Variants in OR4N5 observed in about 807,000 individuals in gnomAD.
OR4N5 encodes the protein olfactory receptor family 4 subfamily N member 5, also known as olfactory receptor 4N5.
For missense variants in OR4N5, 428 were observed against 370.0 expected, an observed-to-expected ratio of 1.16 and a Z score of -1.29; for synonymous variants, 155 against 140.6, an observed-to-expected ratio of 1.10 and a Z score of -0.72.
chr14:20,144,049 A>G lies in OR4N5; in HGVS notation c.314A>G (p.His105Arg), dbSNP rs925555315. ...TGCATCACTCAGCTCTTTTTCTTGCATTTTCTTGGAGCGGGAGAGATGTTC... is the reference window on the plus strand; with the variant it reads ...TGCATCACTCAGCTCTTTTTCTTGCGTTTTCTTGGAGCGGGAGAGATGTTC... The part of the protein sequence containing the change: ...RSCITQLFFL[H>R]FLGAGEMFLL... The change falls in exon 3 of 3, where the codon CAT becomes CGT. Residue 105 changes from histidine to arginine, a missense_variant. By Grantham distance (29) the His-to-Arg change is conservative (BLOSUM62 0). Transcript: ENST00000641086. 5.6e-6 allele frequency: 9 copies of G among 1,613,770 alleles called. No homozygotes were observed. Among genetic ancestry groups the G allele is most frequent in the Non-Finnish European group, 6.8e-6 (8 of 1,179,950 alleles).
chr14:20,141,295 A>G (rs1047082805), intron 2 of OR4N5, 84 bp downstream of exon 2: 1 of 152,202 alleles, frequency 6.6e-6, no homozygotes, highest in African/African-American at 2.4e-5. Flanking sequence ...GTGGAAGCCA[A>G]GAGGTGTCTA....
Position 20,145,170 on chromosome 14 carries a change from A to C in OR4N5, c.*508A>C, listed in dbSNP as rs944755459. 6.5e-6 allele frequency: 1 copy of C among 153,774 alleles called. No individual in the cohort carries two copies. Among genetic ancestry groups the C allele is most frequent in the Non-Finnish European group, 1.4e-5 (1 of 69,252 alleles). The allele number at this position is 153,774 out of a possible 1,614,324, so 9.5% of individuals were successfully genotyped here. On this transcript the variant is annotated 3_prime_UTR_variant, in exon 3 of 3. Transcript: ENST00000641086. ...AGCTTGTTATATTTGATGACCATAA[A>C]AAGGAAGAGAACAGCTGTACTATAT...
At chr14:20,143,489 C>A (rs1345086355) in intron 2 of OR4N5, among the ~76,000 whole-genome samples, 1 of 152,084 alleles carries the variant, frequency 6.6e-6, no homozygotes, top group Non-Finnish European at 1.5e-5. Flanking sequence ...AGTGAAGTTA[C>A]CTAGAAGCCT....
intron 2 of OR4N5, among the ~76,000 whole-genome samples, chr14:20,141,573 T>C (rs1485728934): frequency 6.6e-6 from 1 of 152,136 alleles, no homozygotes; most frequent in Non-Finnish European, 1.5e-5. Context: ...TACCTACGTT[T>C]CCCCTGAATT....
chr14:20,144,849 T>C lies in OR4N5; in HGVS notation c.*187T>C. 1 of 572,990 alleles carries C rather than the reference T, an allele frequency of 1.7e-6. No homozygotes were observed. The highest frequency in any genetic ancestry group is 3.1e-6 in the Non-Finnish European group (1 of 324,328). 35.5% of individuals were successfully genotyped at this position (572,990 alleles called of 1,614,324 possible). On this transcript the variant is annotated 3_prime_UTR_variant, in exon 3 of 3. Coordinates refer to ENST00000641086, the MANE Select transcript of OR4N5 (RefSeq NM_001004724.2). Reference sequence around the variant, plus strand: ...AGATTCCAGGTCTCCTAGATTTATATTCAAGGGGATAAATACAGGTTATTA... The same window carrying C: ...AGATTCCAGGTCTCCTAGATTTATACTCAAGGGGATAAATACAGGTTATTA...
chr14:20,141,994 TTAA>T (rs1177908510), intron 2 of OR4N5, among the ~76,000 whole-genome samples: 4 of 152,200 alleles, frequency 2.6e-5, no homozygotes, highest in African/African-American at 7.2e-5. Context: ...TTTGTTTTCA[TTAA>T]TAATATTTCA....
chr14:20,144,756 C>G lies in OR4N5; in HGVS notation c.*94C>G. ...TGCATTGAATCAGTCAGTCATTTAG[C>G]AAGTATTATAATTATTAAGTACTTC... On this transcript the variant is annotated 3_prime_UTR_variant, in exon 3 of 3. Coordinates refer to ENST00000641086, the MANE Select transcript of OR4N5 (RefSeq NM_001004724.2). The G allele has an allele frequency of 1.3e-6, 1 of 774,106 alleles. No homozygotes were observed. Among genetic ancestry groups the G allele is most frequent in the East Asian group, 2.6e-5 (1 of 38,706 alleles). The allele number at this position is 774,106 out of a possible 1,614,324, so 48.0% of individuals were successfully genotyped here. A position where few individuals can be genotyped will look rare whatever the true frequency, so the allele number is the denominator to read the frequency against.
At chr14:20,143,572 G>A (rs1878659597) in intron 2 of OR4N5, among the ~76,000 whole-genome samples, 153 bp from the exon 3 acceptor site, 1 of 152,202 alleles carries the variant, frequency 6.6e-6, no homozygotes, top group Admixed American at 6.5e-5. Context: ...AGAGGATGAA[G>A]AATAGAAGGG....
rs1487779615 is a variant in OR4N5 at position 20,138,884 on chromosome 14, C to T, written c.-387C>T. The T allele has an allele frequency of 6.6e-6, 1 of 150,910 alleles. No homozygotes were observed. Among genetic ancestry groups the T allele is most frequent in the Non-Finnish European group, 1.5e-5 (1 of 67,764 alleles). The allele number at this position is 150,910 out of a possible 1,614,324, so 9.3% of individuals were successfully genotyped here. A position where few individuals can be genotyped will look rare whatever the true frequency, so the allele number is the denominator to read the frequency against. On this transcript the variant is annotated 5_prime_UTR_variant, in exon 1 of 3. Transcript: ENST00000641086. ...TTGTTTGAGAGTAGCATTTGGCTCCCGGCAAGGTAAAATTTTTTATCATTC... is the reference window on the plus strand; with the variant it reads ...TTGTTTGAGAGTAGCATTTGGCTCCTGGCAAGGTAAAATTTTTTATCATTC...
rs199983401 is a variant in OR4N5 at position 20,144,081 on chromosome 14, G to C, written c.346G>C (p.Val116Leu). The C allele has an allele frequency of 6.2e-7, 1 of 1,614,018 alleles. No homozygotes were observed. Among genetic ancestry groups the C allele is most frequent in the African/African-American group, 1.3e-5 (1 of 75,020 alleles). The change falls in exon 3 of 3, where the codon GTT (valine) becomes CTT (leucine). Residue 116 changes from valine (V) to leucine (L), a missense_variant. Val to Leu is a conservative substitution (Grantham distance 32). Transcript: ENST00000641086. ...FLGAGEMFLL[V>L]VMAFDRYIAI... ...TGGAGCGGGAGAGATGTTCCTCCTC[G>C]TTGTGATGGCCTTTGACCGCTACAT...
In OR4N5 at chr14:20,141,076, C is replaced by A. The variant is rs781546308; in HGVS notation, c.-147C>A. 6.6e-6 allele frequency: 1 copy of A among 151,996 alleles called. No homozygotes were observed. The highest frequency in any genetic ancestry group is 1.5e-5 in the Non-Finnish European group (1 of 68,000). 9.4% of individuals were successfully genotyped at this position (151,996 alleles called of 1,614,324 possible). A position where few individuals can be genotyped will look rare whatever the true frequency, so the allele number is the denominator to read the frequency against. On this transcript the variant is annotated 5_prime_UTR_variant, in exon 2 of 3. Coordinates refer to ENST00000641086, the MANE Select transcript of OR4N5 (RefSeq NM_001004724.2). ...CATCTGTTAGTTAACAGAAAATAGA[C>A]GGAAATAGTAGAAAATAAAAGCAAA...
rs1878674620 is a variant in OR4N5, at chr14:20,144,039, T to A, written c.304T>A (p.Phe102Ile). The A allele has an allele frequency of 1.9e-6, 3 of 1,614,134 alleles. No individual in the cohort carries two copies. Among genetic ancestry groups the A allele is most frequent in the Non-Finnish European group, 2.5e-6 (3 of 1,180,006 alleles). ...CTATAGAAGCTGCATCACTCAGCTC[T>A]TTTTCTTGCATTTTCTTGGAGCGGG... is the stretch of plus-strand genomic sequence containing the variant. Reference protein sequence around the residue: ...ISYRSCITQLFFLHFLGAGEM... With the variant: ...ISYRSCITQLIFLHFLGAGEM... Residue 102 changes from phenylalanine to isoleucine, a missense_variant, in exon 3 of 3, where the codon TTT becomes ATT. Transcript: ENST00000641086.
chr14:20,139,043 A>G lies in OR4N5; in HGVS notation c.-381+153A>G, dbSNP rs541277510. Among the ~76,000 whole-genome samples the G allele has an allele frequency of 2.0e-5, 3 of 152,276 alleles. No individual in the cohort carries two copies. In the South Asian group the frequency reaches 6.2e-4, roughly 32 times the overall value. ...CAGAGTAAGGGTGAGTTGTAAATTC[A>G]GGTGTTCAGCACTTTTCTCAAATAT... On this transcript the variant is annotated intron_variant, in intron 1 of 2. Coordinates refer to ENST00000641086, the MANE Select transcript of OR4N5 (RefSeq NM_001004724.2).
Position 20,144,868 on chromosome 14 carries a change from G to T in OR4N5, c.*206G>T, listed in dbSNP as rs1878706518. ...TTTATATTCAAGGGGATAAATACAG[G>T]TTATTAGATTTATTCAAGGGGATAA... On this transcript the variant is annotated 3_prime_UTR_variant, in exon 3 of 3. Coordinates refer to ENST00000641086, the MANE Select transcript of OR4N5 (RefSeq NM_001004724.2). The T allele has an allele frequency of 1.9e-6, 1 of 529,674 alleles. No homozygotes were observed. The highest frequency in any genetic ancestry group is 3.3e-6 in the Non-Finnish European group (1 of 300,722). The allele number at this position is 529,674 out of a possible 1,614,324, so 32.8% of individuals were successfully genotyped here.
Position 20,144,273 on chromosome 14 carries a change from G to A in OR4N5, c.538G>A (p.Asp180Asn), listed in dbSNP as rs1329156063. ...AAACCAGCTCGATAACTTCTTCTGT[G>A]ATGTTCCACAGGTCATCAAGCTGGC... ...GPNQLDNFFC[D>N]VPQVIKLACT... The change falls in exon 3 of 3, where the codon GAT (aspartate) becomes AAT (asparagine). Residue 180 changes from aspartate (D) to asparagine (N), a missense_variant. Physicochemically the swap from Asp to Asn is conservative, Grantham distance 23. Coordinates refer to ENST00000641086, the MANE Select transcript of OR4N5 (RefSeq NM_001004724.2). The A allele has an allele frequency of 6.2e-7, 1 of 1,614,026 alleles. No homozygotes were observed. Among genetic ancestry groups the A allele is most frequent in the South Asian group, 1.1e-5 (1 of 91,074 alleles).
At position 20,144,172 on chromosome 14, in the gene OR4N5, T is replaced by A; in HGVS notation, c.437T>A (p.Leu146Ter). ...CCTAGAGCCTGCTATGCATTATCGTTGGTTCTGTGGCTTGGGGGCTTTATC... is the reference window on the plus strand; with the variant it reads ...CCTAGAGCCTGCTATGCATTATCGTAGGTTCTGTGGCTTGGGGGCTTTATC... ...MNPRACYALSLVLWLGGFIHS... is the reference protein window; with the variant it reads ...MNPRACYALS Residue 146 changes from leucine to a stop codon, truncating the protein, a stop_gained, in exon 3 of 3, where the codon TTG becomes TAG. Coordinates refer to ENST00000641086, the MANE Select transcript of OR4N5 (RefSeq NM_001004724.2). LOFTEE classifies it low-confidence loss of function (END_TRUNC). 1 of 1,614,150 alleles carries A rather than the reference T, an allele frequency of 6.2e-7. No homozygotes were observed. The highest frequency in any genetic ancestry group is 8.5e-7 in the Non-Finnish European group (1 of 1,179,994).
At chr14:20,143,135 C>T (rs747292670) in intron 2 of OR4N5, among the ~76,000 whole-genome samples, 2 of 152,178 alleles carry the variant, frequency 1.3e-5, no homozygotes, top group Non-Finnish European at 2.9e-5. Context: ...ATCTTGCTTG[C>T]TATCTTGGTG....
At chr14:20,143,152 T>C (rs905192259) in intron 2 of OR4N5, among the ~76,000 whole-genome samples, 1 of 152,122 alleles carries the variant, frequency 6.6e-6, no homozygotes. Context: ...GGTGATCAGT[T>C]TGAAGTAAGA....
chr14:20,143,700 C>A (rs751383453), intron 2 of OR4N5, 25 bp from the exon 3 acceptor site: 5 of 1,444,240 alleles, frequency 3.5e-6, no homozygotes, highest in Non-Finnish European at 4.8e-6. Flanking sequence ...TAACAGATAA[C>A]AATTTGCCCT....
Sources: gnomAD v4.1 joint callset for allele counts (sites outside exome capture counted in the v4.1 genomes callset) on GRCh38, gnomAD v4.1.1 for gene constraint, MANE v1.5 for transcripts, NCBI Gene and HGNC (gene_info 2026-07-23, HGNC 2026-07-21) for gene names.